The following CPNE4 variants were observed in gnomAD, a reference collection of about 807,000 sequenced individuals.
CPNE4 encodes the protein copine-4.
Under a neutral mutation model 67.9 loss-of-function variants are expected in CPNE4, and 25 were observed. The ratio of observed to expected loss-of-function variants is 0.37; its 90% CI spans 0.27 to 0.51. The LOEUF is 0.51. Ranked by LOEUF, CPNE4 falls within the 20% of genes least tolerant of loss-of-function variation. The pLI, the probability that CPNE4 is intolerant of heterozygous loss-of-function variation, is 0.93. For missense variants in CPNE4, 464 were observed against 690.8 expected, an observed-to-expected ratio of 0.67 and a Z score of 3.68; for synonymous variants, 242 against 244.9, an observed-to-expected ratio of 0.99 and a Z score of 0.11.
At chr3:132,012,779 C>T (rs572474761) in intron 1 of CPNE4, among the ~76,000 whole-genome samples, 37 of 152,262 alleles carry the variant, frequency 2.4e-4, no homozygotes, top group African/African-American at 7.2e-4. Flanking sequence ...AAGATATATC[C>T]GAACACTAGC....
chr3:131,551,705 T>C (rs1184593374), intron 13 of CPNE4, among the ~76,000 whole-genome samples: 1 of 152,028 alleles, frequency 6.6e-6, no homozygotes, highest in Non-Finnish European at 1.5e-5. Context: ...TTAGCCTCCT[T>C]CCTCCTTGAC....
intron 2 of CPNE4, among the ~76,000 whole-genome samples, chr3:131,741,921 G>T (rs1405710831): frequency 1.3e-5 from 2 of 152,136 alleles, no homozygotes; most frequent in African/African-American, 4.8e-5. Context: ...CCCATAAAAA[G>T]ATATGTGCAG....
chr3:131,646,965 A>C (rs887120602), intron 7 of CPNE4, among the ~76,000 whole-genome samples: 1 of 152,172 alleles, frequency 6.6e-6, no homozygotes, highest in Admixed American at 6.5e-5. Flanking sequence ...CTGCCATCTG[A>C]ATCACCAGCC....
chr3:131,582,747 C>T (rs1582841207), intron 8 of CPNE4, among the ~76,000 whole-genome samples: 1 of 152,134 alleles, frequency 6.6e-6, no homozygotes, highest in South Asian at 2.1e-4. Flanking sequence ...GGGAAGTTTT[C>T]AGGGCCATAT....
chr3:131,796,825 G>T (rs968967026), intron 2 of CPNE4, among the ~76,000 whole-genome samples: 3 of 152,200 alleles, frequency 2.0e-5, no homozygotes, highest in Non-Finnish European at 4.4e-5. Context: ...CAGCTGGCAG[G>T]AGCCTTCCTC....
Position 131,907,018 on chromosome 3 carries a change from C to T in CPNE4, c.-1-1574G>A, listed in dbSNP as rs539814383. Among the ~76,000 whole-genome samples the T allele has an allele frequency of 2.6e-5, 4 of 152,074 alleles. No homozygotes were observed. The South Asian group carries it at 8.3e-4, about 32-fold the overall frequency. On this transcript the variant is annotated intron_variant, in intron 1 of 15. Coordinates refer to ENST00000429747, the MANE Select transcript of CPNE4 (RefSeq NM_130808.3). ...CTCAAACAAATTTACAAGAAAAAAA[C>T]AAACAACCCCATCAAAAAGGGGGGG...
At chr3:131,901,657 G>A (rs1400190627) in intron 2 of CPNE4, among the ~76,000 whole-genome samples, 1 of 152,010 alleles carries the variant, frequency 6.6e-6, no homozygotes, top group African/African-American at 2.4e-5. Flanking sequence ...AAATAGAGGA[G>A]TTGCAGGCAG....
chr3:131,646,543 A>T (rs1466106155), intron 7 of CPNE4, among the ~76,000 whole-genome samples: 7 of 152,140 alleles, frequency 4.6e-5, no homozygotes, highest in Admixed American at 3.3e-4. Context: ...TCAGAAAGAG[A>T]GAGTCCTGCT....
rs182421879 is a variant in CPNE4 at position 131,984,796 on chromosome 3, T to C, written c.-2+49771A>G. 4.6e-5 allele frequency among the ~76,000 whole-genome samples: 7 copies of C among 152,282 alleles called. No homozygotes were observed. In the East Asian group the frequency reaches 1.4e-3, roughly 29 times the overall value. On this transcript the variant is annotated intron_variant, in intron 1 of 15. Coordinates refer to ENST00000429747, the MANE Select transcript of CPNE4 (RefSeq NM_130808.3). ...ATTAATACCTCAGTTTCTTCTGTCT[T>C]CTAGGGAGATACCTCTGAGGTCTAT... is the stretch of plus-strand genomic sequence containing the variant.
At chr3:131,894,300 A>G (rs2088231637) in intron 2 of CPNE4, among the ~76,000 whole-genome samples, 1 of 151,980 alleles carries the variant, frequency 6.6e-6, no homozygotes, top group African/African-American at 2.4e-5. Context: ...AAGAATTAAT[A>G]CCAATTCTCC....
At chr3:131,629,902 C>G (rs186822123) in intron 7 of CPNE4, among the ~76,000 whole-genome samples, 1 of 151,930 alleles carries the variant, frequency 6.6e-6, no homozygotes, top group Non-Finnish European at 1.5e-5. Context: ...GTCTCTCTCT[C>G]GTTCTCTCTC....
intron 1 of CPNE4, among the ~76,000 whole-genome samples, chr3:131,936,008 G>A (rs75633952): frequency 1.4e-3 from 207 of 151,994 alleles, no homozygotes; most frequent in African/African-American, 3.1e-3. Flanking sequence ...CATAGACCTC[G>A]TCCTTTGTTT....
intron 8 of CPNE4, among the ~76,000 whole-genome samples, chr3:131,586,567 C>T (rs1451339330): frequency 6.6e-6 from 1 of 152,166 alleles, no homozygotes; most frequent in Non-Finnish European, 1.5e-5. Context: ...CATCTCCTTC[C>T]ACACTTCTAT....
intron 2 of CPNE4, among the ~76,000 whole-genome samples, chr3:131,806,956 C>G (rs1285340733): frequency 2.0e-5 from 3 of 152,130 alleles, no homozygotes; most frequent in Non-Finnish European, 4.4e-5. Flanking sequence ...TGAAGCTTCT[C>G]TTATTCACAC....
At chr3:131,592,828 A>G (rs567859912) in intron 7 of CPNE4, among the ~76,000 whole-genome samples, 2 of 152,094 alleles carry the variant, frequency 1.3e-5, no homozygotes, top group Non-Finnish European at 2.9e-5. Context: ...GAACCTGCTC[A>G]CTGTTTCCAC....
At chr3:131,799,921 G>GT (rs879257797) in intron 2 of CPNE4, among the ~76,000 whole-genome samples, 5 of 20,992 alleles carry the variant, frequency 2.4e-4, no homozygotes, top group South Asian at 1.5e-3. Context: ...TGTGTGTGTT[G>GT]TGTGTGTGTG....
intron 14 of CPNE4, among the ~76,000 whole-genome samples, chr3:131,545,561 AT>A (rs1273855159): frequency 1.3e-5 from 2 of 152,248 alleles, no homozygotes; most frequent in Non-Finnish European, 2.9e-5. Context: ...GTACCTACAT[AT>A]ATTTCAATGT....
intron 2 of CPNE4, among the ~76,000 whole-genome samples, chr3:131,757,457 G>A (rs777696397): frequency 1.6e-4 from 25 of 152,188 alleles, no homozygotes; most frequent in Non-Finnish European, 3.2e-4. Flanking sequence ...TTAGGTATCT[G>A]TAAGAAGAAA....
intron 11 of CPNE4, among the ~76,000 whole-genome samples, chr3:131,557,853 AGTAAG>A (rs900649097): frequency 3.3e-5 from 5 of 151,986 alleles, no homozygotes; most frequent in African/African-American, 1.2e-4. Context: ...TTAAGCCTGA[AGTAAG>A]GCTTTTCTGG....
Sources: allele counts gnomAD v4.1 joint callset (sites outside exome capture counted in the v4.1 genomes callset), GRCh38; gene constraint gnomAD v4.1.1; transcripts MANE v1.5; gene names NCBI Gene and HGNC (gene_info 2026-07-23, HGNC 2026-07-21).